The following CC2D2A variants were observed in gnomAD, a reference collection of about 807,000 sequenced individuals.
CC2D2A encodes the protein coiled-coil and C2 domain-containing protein 2A.
CC2D2A carries 155 observed loss-of-function variants against 212.9 expected under a neutral mutation model. That is an observed-to-expected ratio of 0.73 (90% confidence interval 0.64 to 0.83). The LOEUF (loss-of-function observed/expected upper bound fraction) is 0.83. Among genes scored for constraint, CC2D2A ranks in the 40% least tolerant of loss-of-function variants. CC2D2A has a pLI of 0.00. For missense variants in CC2D2A, 1,856 were observed against 1,956.2 expected (o/e 0.95, Z 0.97); for synonymous variants, 667 against 686.5 (o/e 0.97, Z 0.44).
intron 4 of CC2D2A, among the ~76,000 whole-genome samples, chr4:15,488,786 C>T (rs1179834622): frequency 6.6e-6 from 1 of 152,364 alleles, no homozygotes; most frequent in East Asian, 1.9e-4. Context: ...GCACCCCTAA[C>T]CTATGGCCTC....
Position 15,555,102 on chromosome 4 carries a change from T to C in CC2D2A, c.2517T>C (p.Ser839=). The part of the protein sequence containing the change: ...SALKKADAIS[S]IGTSGLTDMK... ...TGAAGAAAGCAGATGCCATCTCATCTATTGGCACATCAGGACTGACAGACA... is the reference window on the plus strand; with the variant it reads ...TGAAGAAAGCAGATGCCATCTCATCCATTGGCACATCAGGACTGACAGACA... The change falls in exon 20 of 37, where the codon TCT becomes TCC. Residue 839 remains serine, a synonymous_variant. Transcript: ENST00000424120. The C allele has an allele frequency of 6.2e-7, 1 of 1,613,528 alleles. No individual in the cohort carries two copies. The highest frequency in any genetic ancestry group is 8.5e-7 in the Non-Finnish European group (1 of 1,179,698).
At chr4:15,545,365 T>C (rs1373250294) in intron 17 of CC2D2A, among the ~76,000 whole-genome samples, 1 of 152,056 alleles carries the variant, frequency 6.6e-6, no homozygotes, top group Non-Finnish European at 1.5e-5. Context: ...TTCTGCTTGA[T>C]TGTGAAAAGC....
intron 17 of CC2D2A, among the ~76,000 whole-genome samples, chr4:15,548,127 T>C (rs1718804666): frequency 6.6e-6 from 1 of 151,910 alleles, no homozygotes; most frequent in Non-Finnish European, 1.5e-5. Context: ...CTGGATTTTT[T>C]TTTTTTTGGC....
At chr4:15,514,394 G>A (rs1011098769) in intron 8 of CC2D2A, among the ~76,000 whole-genome samples, 1 of 152,130 alleles carries the variant, frequency 6.6e-6, no homozygotes, top group Non-Finnish European at 1.5e-5. Context: ...TTACATAAAT[G>A]GCAAGAAGCA....
chr4:15,516,613 C>T lies in CC2D2A; in HGVS notation c.1018-12C>T, dbSNP rs375602687. 50 of 1,608,102 alleles carry T rather than the reference C, an allele frequency of 3.1e-5. No individual in the cohort carries two copies. The Middle Eastern group carries it at 9.9e-4, about 32-fold the overall frequency. On this transcript the variant is annotated splice_polypyrimidine_tract_variant and intron_variant, in intron 10 of 36. Transcript: ENST00000424120. ...GAAGAAAATGTTGCCATTCCCTCTGCTTCATCTACAGGAAAGAAGATGGTT... is the reference window on the plus strand; with the variant it reads ...GAAGAAAATGTTGCCATTCCCTCTGTTTCATCTACAGGAAAGAAGATGGTT...
intron 19 of CC2D2A, among the ~76,000 whole-genome samples, chr4:15,554,301 C>T (rs1719164322): frequency 6.6e-6 from 1 of 152,194 alleles, no homozygotes; most frequent in Non-Finnish European, 1.5e-5. Flanking sequence ...TAATAAAGCC[C>T]CAGCTCAACC....
intron 20 of CC2D2A, 135 bp from the exon 21 acceptor site, chr4:15,557,169 T>C (rs1160704005): frequency 1.2e-5 from 7 of 573,552 alleles, no homozygotes; most frequent in Non-Finnish European, 2.2e-5. Context: ...GACTCATTAT[T>C]ATTATATTTT....
At chr4:15,584,583 T>C (rs1464071869) in intron 30 of CC2D2A, among the ~76,000 whole-genome samples, 1 of 152,032 alleles carries the variant, frequency 6.6e-6, no homozygotes, top group Non-Finnish European at 1.5e-5. Flanking sequence ...TTCATGAAAT[T>C]TGGAGGGGAT....
At chr4:15,504,080 A>G (rs1716121723) in intron 6 of CC2D2A, among the ~76,000 whole-genome samples, 1 of 152,212 alleles carries the variant, frequency 6.6e-6, no homozygotes, top group African/African-American at 2.4e-5. Context: ...CCATTAAGAC[A>G]AAGAAGCCCA....
intron 29 of CC2D2A, chr4:15,576,415 G>A: frequency 1.0e-6 from 1 of 978,498 alleles, no homozygotes; most frequent in Non-Finnish European, 1.2e-6. Flanking sequence ...ATGCCATATG[G>A]AACCATTCCA....
chr4:15,549,000 AATT>A (rs1379407425), intron 17 of CC2D2A, among the ~76,000 whole-genome samples: 3 of 152,350 alleles, frequency 2.0e-5, no homozygotes, highest in African/African-American at 4.8e-5. Context: ...GTTATTAAGG[AATT>A]ATTATAAAAA....
intron 32 of CC2D2A, 115 bp downstream of exon 32, chr4:15,588,044 T>C: frequency 1.7e-6 from 1 of 595,306 alleles, no homozygotes; most frequent in Admixed American, 3.1e-5. Context: ...GCTAGGAAAG[T>C]GGCCCACAGA....
intron 6 of CC2D2A, among the ~76,000 whole-genome samples, 164 bp from the exon 7 acceptor site, chr4:15,509,975 A>C (rs1716471779): frequency 6.6e-6 from 1 of 152,230 alleles, no homozygotes; most frequent in Admixed American, 6.5e-5. Flanking sequence ...TATGGAGCGC[A>C]TGACTGCATT....
chr4:15,586,115 T>C (rs1560194915), intron 30 of CC2D2A, 42 bp from the exon 31 acceptor site: 1 of 1,392,292 alleles, frequency 7.2e-7, no homozygotes, highest in Non-Finnish European at 1.0e-6. Flanking sequence ...GCATTCTGTT[T>C]TATTATAAAT....
chr4:15,585,278 T>G (rs965002608), intron 30 of CC2D2A, among the ~76,000 whole-genome samples: 1 of 152,066 alleles, frequency 6.6e-6, no homozygotes, highest in Non-Finnish European at 1.5e-5. Flanking sequence ...ATAAAGAAAA[T>G]GTGGTAAATA....
At chr4:15,494,950 G>A (rs933966731) in intron 4 of CC2D2A, among the ~76,000 whole-genome samples, 1 of 152,160 alleles carries the variant, frequency 6.6e-6, no homozygotes, top group Admixed American at 6.5e-5. Flanking sequence ...AGGGGTACAT[G>A]TGCAGGTTTG....
intron 4 of CC2D2A, chr4:15,492,753 G>A (rs1560148462): frequency 1.2e-6 from 1 of 817,746 alleles, no homozygotes; most frequent in Non-Finnish European, 2.0e-6. Context: ...GGGCCATGAG[G>A]TCCACCACTC....
intron 28 of CC2D2A, among the ~76,000 whole-genome samples, chr4:15,571,172 C>T (rs1262149093): frequency 6.6e-6 from 1 of 152,172 alleles, no homozygotes; most frequent in East Asian, 1.9e-4. Context: ...GGATAGATGC[C>T]TGAAAGTAAC....
chr4:15,495,065 C>T (rs1163476771), intron 4 of CC2D2A, among the ~76,000 whole-genome samples: 5 of 152,176 alleles, frequency 3.3e-5, no homozygotes, highest in African/African-American at 1.2e-4. Flanking sequence ...CAACCCTCAC[C>T]TGCCTCCCAC....
Sources: allele counts gnomAD v4.1 joint callset (sites outside exome capture counted in the v4.1 genomes callset), GRCh38; gene constraint gnomAD v4.1.1; transcripts MANE v1.5; gene names NCBI Gene and HGNC (gene_info 2026-07-23, HGNC 2026-07-21).